The following DGKB variants were observed in gnomAD, a reference collection of about 807,000 sequenced individuals.
The protein encoded by DGKB is 90 kDa diacylglycerol kinase.
In DGKB, 67 loss-of-function variants were observed where a neutral mutation model predicts 114.3. The ratio of observed to expected loss-of-function variants is 0.59; its 90% CI spans 0.48 to 0.72. DGKB has a LOEUF of 0.72. DGKB is among the 30% of genes least tolerant of loss of function. DGKB has a pLI of 0.00. For synonymous variants in DGKB, 398 were observed against 323.1 expected, an observed-to-expected ratio of 1.23 and a Z score of -2.49; for missense variants, 907 against 975.2, an observed-to-expected ratio of 0.93 and a Z score of 0.93.
intron 17 of DGKB, among the ~76,000 whole-genome samples, chr7:14,596,178 G>A: frequency 6.6e-6 from 1 of 152,000 alleles, no homozygotes; most frequent in Non-Finnish European, 1.5e-5. Flanking sequence ...ACAAGCACAG[G>A]AATAATGATA....
At chr7:14,658,980 G>C (rs555518708) in intron 13 of DGKB, among the ~76,000 whole-genome samples, 8 of 151,722 alleles carry the variant, frequency 5.3e-5, no homozygotes, top group Non-Finnish European at 7.4e-5. Flanking sequence ...GTATACATGT[G>C]CCATGGTGGT....
intron 12 of DGKB, among the ~76,000 whole-genome samples, chr7:14,678,800 G>A (rs752901549): frequency 3.3e-5 from 5 of 151,986 alleles, no homozygotes; most frequent in Non-Finnish European, 7.4e-5. Flanking sequence ...GAGGTGCTAA[G>A]AGCTTGCACT....
chr7:14,864,315 T>C (rs957267709), intron 1 of DGKB, among the ~76,000 whole-genome samples: 1 of 152,032 alleles, frequency 6.6e-6, no homozygotes, highest in Non-Finnish European at 1.5e-5. Context: ...AAAACAAACA[T>C]ACACATGCAC....
At chr7:14,499,811 C>A (rs548717286) in intron 20 of DGKB, among the ~76,000 whole-genome samples, 1 of 151,552 alleles carries the variant, frequency 6.6e-6, no homozygotes, top group Non-Finnish European at 1.5e-5. Context: ...AAAGCATAGC[C>A]TAGTGTAGTA....
chr7:14,176,984 G>C, intron 24 of DGKB, 85 bp from the exon 25 acceptor site: 1 of 1,521,214 alleles, frequency 6.6e-7, no homozygotes, highest in Non-Finnish European at 9.0e-7. Flanking sequence ...GATGAGACCA[G>C]GGAAGGCAAT....
chr7:14,809,686 A>G (rs1303681323), intron 2 of DGKB, among the ~76,000 whole-genome samples: 2 of 152,276 alleles, frequency 1.3e-5, no homozygotes, highest in South Asian at 4.1e-4. Context: ...TCTGCCTGAC[A>G]AACATCTCAA....
intron 20 of DGKB, among the ~76,000 whole-genome samples, chr7:14,529,593 A>G (rs1791223653): frequency 6.6e-6 from 1 of 151,766 alleles, no homozygotes; most frequent in Non-Finnish European, 1.5e-5. Flanking sequence ...AATGTATTGG[A>G]GCAATAGTTA....
intron 4 of DGKB, among the ~76,000 whole-genome samples, chr7:14,743,713 A>C (rs1457825307): frequency 2.0e-5 from 3 of 152,234 alleles, no homozygotes; most frequent in Non-Finnish European, 2.9e-5. Flanking sequence ...AGTGTATGCT[A>C]TCAATCACAA....
At chr7:14,517,918 C>G (rs1400691524) in intron 20 of DGKB, among the ~76,000 whole-genome samples, 1 of 152,142 alleles carries the variant, frequency 6.6e-6, no homozygotes, top group Non-Finnish European at 1.5e-5. Context: ...TCTAAAAGAA[C>G]TTAAAGCAGA....
intron 20 of DGKB, among the ~76,000 whole-genome samples, chr7:14,486,942 C>T (rs915885952): frequency 7.2e-5 from 11 of 152,136 alleles, no homozygotes; most frequent in African/African-American, 2.7e-4. Context: ...AAAAATATTT[C>T]ATTAAATCTA....
chr7:14,592,556 A>G (rs1404686761), intron 17 of DGKB, among the ~76,000 whole-genome samples: 1 of 151,918 alleles, frequency 6.6e-6, no homozygotes, highest in Non-Finnish European at 1.5e-5. Context: ...TTTTTGAAAC[A>G]ATATTTATGG....
At chr7:14,689,194 C>CTATTTTTTTT (rs1563917251) in intron 9 of DGKB, among the ~76,000 whole-genome samples, 14 of 92,358 alleles carry the variant, frequency 1.5e-4, no homozygotes, top group Non-Finnish European at 2.5e-4. Flanking sequence ...ACAGAAACTC[C>CTATTTTTTTT]TCTTATTTTT....
chr7:14,629,798 G>T (rs954600480), intron 14 of DGKB, among the ~76,000 whole-genome samples: 6 of 152,074 alleles, frequency 3.9e-5, no homozygotes, highest in African/African-American at 1.4e-4. Flanking sequence ...ATTTGAAAGT[G>T]ATGGGCACTT....
chr7:14,553,932 G>A (rs1040560134), intron 20 of DGKB, among the ~76,000 whole-genome samples: 9 of 141,212 alleles, frequency 6.4e-5, no homozygotes, highest in African/African-American at 2.4e-4. Flanking sequence ...GAGTGCAGTG[G>A]CGGGATCTCG....
At chr7:14,677,260 G>A (rs986455955) in intron 12 of DGKB, among the ~76,000 whole-genome samples, 2 of 151,718 alleles carry the variant, frequency 1.3e-5, no homozygotes, top group African/African-American at 4.8e-5. Flanking sequence ...GTCAAAAGGA[G>A]GAAAAATGGA....
intron 23 of DGKB, among the ~76,000 whole-genome samples, chr7:14,336,767 T>C (rs952850813): frequency 1.3e-5 from 2 of 152,158 alleles, no homozygotes; most frequent in African/African-American, 4.8e-5. Context: ...AAATGACATG[T>C]ATGCAGCAGC....
intron 1 of DGKB, among the ~76,000 whole-genome samples, chr7:14,971,606 A>G (rs1300323840): frequency 6.6e-6 from 1 of 152,308 alleles, no homozygotes; most frequent in Non-Finnish European, 1.5e-5. Flanking sequence ...TTATTTAGGA[A>G]AAAGAATGAA....
At chr7:14,723,436 A>C (rs1829536987) in intron 5 of DGKB, among the ~76,000 whole-genome samples, 2 of 152,208 alleles carry the variant, frequency 1.3e-5, no homozygotes, top group Admixed American at 6.5e-5. Flanking sequence ...TCAGAGCTAA[A>C]TATTGCTTCA....
intron 20 of DGKB, among the ~76,000 whole-genome samples, chr7:14,561,955 C>A (rs1796718223): frequency 6.6e-6 from 1 of 152,184 alleles, no homozygotes; most frequent in African/African-American, 2.4e-5. Context: ...TGTGGCAGCC[C>A]CCCTCATCAC....
Sources: gnomAD v4.1 joint callset for allele counts (sites outside exome capture counted in the v4.1 genomes callset) on GRCh38, gnomAD v4.1.1 for gene constraint, MANE v1.5 for transcripts, NCBI Gene and HGNC (gene_info 2026-07-23, HGNC 2026-07-21) for gene names.